PCDH11X: variants seen among roughly 807,000 people sequenced by gnomAD.
The protein encoded by PCDH11X is protocadherin 11 X-linked.
Under a neutral mutation model 53.3 loss-of-function variants are expected in PCDH11X, and 18 were observed. The observed-to-expected ratio is 0.34, with a 90% CI of 0.23 to 0.50. PCDH11X has a LOEUF of 0.50. Among genes scored for constraint, PCDH11X ranks in the 20% least tolerant of loss-of-function variants. PCDH11X has a pLI of 0.98. For synonymous variants in PCDH11X, 279 were observed against 393.3 expected, an observed-to-expected ratio of 0.71 and a Z score of 3.44; for missense variants, 570 against 1,032.4, an observed-to-expected ratio of 0.55 and a Z score of 6.14.
chrX:91,932,823 C>A (rs1351028550), intron 6 of PCDH11X, among the ~76,000 whole-genome samples: 1 of 111,737 alleles, frequency 8.9e-6, no homozygotes, highest in East Asian at 2.9e-4. Context: ...TAACATCTTA[C>A]AATCATCCTA....
At chrX:91,820,732 C>T (rs1936642346) in intron 4 of PCDH11X, among the ~76,000 whole-genome samples, 1 of 102,425 alleles carries the variant, frequency 9.8e-6, no homozygotes, top group Non-Finnish European at 1.9e-5. Flanking sequence ...GTGTTTTAGA[C>T]ATGAAGTCCT....
At chrX:92,229,546 C>T (rs902462592) in intron 7 of PCDH11X, among the ~76,000 whole-genome samples, 9 of 111,157 alleles carry the variant, frequency 8.1e-5, no homozygotes, top group Non-Finnish European at 1.1e-4. Flanking sequence ...TGCCAGAATG[C>T]ATTAACAGCC....
intron 6 of PCDH11X, among the ~76,000 whole-genome samples, chrX:92,107,669 C>A (rs754002930): frequency 8.9e-6 from 1 of 112,229 alleles, no homozygotes; most frequent in South Asian, 3.7e-4. Context: ...CTCAAAGCCC[C>A]CACTTTGAAT....
intron 10 of PCDH11X, among the ~76,000 whole-genome samples, chrX:92,592,654 C>T (rs1402126978): frequency 3.6e-5 from 4 of 111,471 alleles, no homozygotes; most frequent in Admixed American, 9.5e-5. Context: ...TCGCTTGAAC[C>T]GGGGAAGCGG....
At chrX:92,469,998 A>G (rs2073230276) in intron 10 of PCDH11X, among the ~76,000 whole-genome samples, 1 of 108,864 alleles carries the variant, frequency 9.2e-6, no homozygotes. Flanking sequence ...CTTTGGGAGT[A>G]TGAATATCTT....
At chrX:91,857,519 T>C (rs748940900) in intron 5 of PCDH11X, among the ~76,000 whole-genome samples, 1 of 111,679 alleles carries the variant, frequency 9.0e-6, no homozygotes, top group East Asian at 2.8e-4. Flanking sequence ...GCAAGCCCCT[T>C]CCACCTATGA....
intron 10 of PCDH11X, among the ~76,000 whole-genome samples, chrX:92,517,044 G>A (rs1432338675): frequency 1.8e-5 from 2 of 112,065 alleles, no homozygotes; most frequent in East Asian, 2.8e-4. Flanking sequence ...TTTATGTGAG[G>A]TATTGTCCAG....
At chrX:92,570,983 CA>C (rs1922145700) in intron 10 of PCDH11X, among the ~76,000 whole-genome samples, 1 of 111,892 alleles carries the variant, frequency 8.9e-6, no homozygotes, top group African/African-American at 3.2e-5. Context: ...AAAAAATTGA[CA>C]TTTTTAAATT....
At position 91,883,642 on chromosome X, in the gene PCDH11X, A is replaced by G. The variant is rs1255073056; in HGVS notation, c.3033+4369A>G. On this transcript the variant is annotated intron_variant, in intron 6 of 10. Transcript: ENST00000682573. ...AACACGGTGAAACCCCATCTCCACT[A>G]AAAATACAAAAAATTAGCCTGGCGT... 1.7e-5 allele frequency: 9 copies of G among 524,920 alleles called. No individual in the cohort carries two copies. In the Admixed American group the frequency reaches 7.5e-4, roughly 44 times the overall value. The allele number at this position is 524,920 out of a possible 1,213,427, so 43.3% of individuals were successfully genotyped here.
chrX:91,870,211 T>C (rs2147711009), intron 5 of PCDH11X, among the ~76,000 whole-genome samples: 1 of 111,846 alleles, frequency 8.9e-6, no homozygotes, highest in South Asian at 3.7e-4. Context: ...TAAAACATTG[T>C]GAATTTAAAT....
At chrX:92,476,790 T>C (rs1198467258) in intron 10 of PCDH11X, among the ~76,000 whole-genome samples, 1 of 50,145 alleles carries the variant, frequency 2.0e-5, no homozygotes, top group Admixed American at 2.0e-4. Context: ...AGGACAACTT[T>C]TTAAGTTTAA....
At chrX:91,856,804 G>T (rs930704905) in intron 5 of PCDH11X, among the ~76,000 whole-genome samples, 1 of 111,644 alleles carries the variant, frequency 9.0e-6, no homozygotes, top group Admixed American at 9.5e-5. Context: ...TGGCTGCATA[G>T]TATTCCATTG....
At chrX:92,558,808 G>A (rs1238959612) in intron 10 of PCDH11X, among the ~76,000 whole-genome samples, 1 of 111,042 alleles carries the variant, frequency 9.0e-6, no homozygotes, top group Non-Finnish European at 1.9e-5. Context: ...TAACTTGCTG[G>A]TATCTTAACT....
At chrX:92,504,516 A>G (rs1315738949) in intron 10 of PCDH11X, among the ~76,000 whole-genome samples, 1 of 111,885 alleles carries the variant, frequency 8.9e-6, no homozygotes, top group Non-Finnish European at 1.9e-5. Context: ...TCAACCATAT[A>G]TGTACCACAT....
At chrX:92,377,868 G>C (rs141175647) in intron 8 of PCDH11X, among the ~76,000 whole-genome samples, 43,332 of 98,286 alleles carry the variant, frequency 0.44, 7,362 homozygotes, top group Non-Finnish European at 0.53. Context: ...GGATGTAGTG[G>C]CTTGAAAATA....
intron 7 of PCDH11X, among the ~76,000 whole-genome samples, chrX:92,232,257 T>C (rs753538839): frequency 9.0e-6 from 1 of 110,897 alleles, no homozygotes; most frequent in East Asian, 2.8e-4. Context: ...CTCCTCAAAA[T>C]AATGGAATAG....
At chrX:92,141,326 G>A (rs1294751786) in intron 6 of PCDH11X, among the ~76,000 whole-genome samples, 1 of 110,904 alleles carries the variant, frequency 9.0e-6, no homozygotes, top group African/African-American at 3.3e-5. Context: ...TTCATTATTA[G>A]TATGGGCCCA....
chrX:91,823,915 A>T (rs1270000490), intron 4 of PCDH11X, among the ~76,000 whole-genome samples: 1 of 109,913 alleles, frequency 9.1e-6, no homozygotes, highest in East Asian at 2.9e-4. Context: ...AAAGTATTTT[A>T]TTTCTCCTTC....
chrX:92,159,896 T>G (rs2065608273), intron 6 of PCDH11X, among the ~76,000 whole-genome samples: 1 of 68,888 alleles, frequency 1.5e-5, no homozygotes, highest in Non-Finnish European at 2.8e-5. Flanking sequence ...CCCTCTTCAA[T>G]TGTTTGTTAT....
Sources: allele counts gnomAD v4.1 joint callset (sites outside exome capture counted in the v4.1 genomes callset), GRCh38; gene constraint gnomAD v4.1.1; transcripts MANE v1.5; gene names NCBI Gene and HGNC (gene_info 2026-07-23, HGNC 2026-07-21).